Variants in KLRC1 observed in about 807,000 individuals in gnomAD.
The protein encoded by KLRC1 is NKG2-A/NKG2-B type II integral membrane protein.
Under a neutral mutation model 25.9 loss-of-function variants are expected in KLRC1, and 22 were observed. That is an observed-to-expected ratio of 0.85 (90% CI 0.61 to 1.21). The LOEUF is 1.21. Ranked by LOEUF, KLRC1 falls within the 50% of genes most tolerant of loss-of-function variation. The pLI is 0.00. For missense variants in KLRC1, 240 were observed against 272.2 expected (o/e 0.88, Z 0.83); for synonymous variants, 77 against 93.1 (o/e 0.83, Z 0.99).
downstream of KLRC1, among the ~76,000 whole-genome samples, chr12:10,445,347 C>G (rs1863963902): frequency 1.3e-5 from 2 of 151,220 alleles, no homozygotes; most frequent in Admixed American, 1.3e-4. Context: ...ATATATCATT[C>G]CAACTGCTAC....
chr12:10,448,422 G>A (rs564000591), intron 5 of KLRC1, among the ~76,000 whole-genome samples: 2 of 152,276 alleles, frequency 1.3e-5, no homozygotes, highest in South Asian at 2.1e-4. Context: ...AGGCAAGGCT[G>A]GTACCACTGG....
downstream of KLRC1, among the ~76,000 whole-genome samples, chr12:10,443,999 G>C (rs1261475177): frequency 7.5e-6 from 1 of 133,964 alleles, no homozygotes; most frequent in African/African-American, 3.1e-5. Context: ...CAACCTCAAT[G>C]GTTTTAAATT....
At position 10,450,087 on chromosome 12, in the gene KLRC1, G is replaced by A. The variant is rs1035804176; in HGVS notation, c.284-120C>T. On this transcript the variant is annotated intron_variant, in intron 3 of 6. Coordinates refer to ENST00000359151, the MANE Select transcript of KLRC1 (RefSeq NM_002259.5). ...AGTTAGAATAATATGGAATAAAATT[G>A]ATTTTAAGAAAAATTTGATAAAGTA... is the stretch of plus-strand genomic sequence containing the variant. The A allele has an allele frequency of 4.9e-6, 4 of 809,966 alleles. No homozygotes were observed. The African/African-American group carries it at 7.2e-5, about 15-fold the overall frequency. The allele number at this position is 809,966 out of a possible 1,614,324, so 50.2% of individuals were successfully genotyped here.
intron 4 of KLRC1, 138 bp from the exon 5 acceptor site, chr12:10,449,526 T>C: frequency 7.0e-7 from 1 of 1,428,410 alleles, no homozygotes; most frequent in East Asian, 2.3e-5. Flanking sequence ...ATATATAGTG[T>C]CAAAATACCC....
chr12:10,447,490 T>A, intron 6 of KLRC1, 42 bp downstream of exon 6: 2 of 1,393,772 alleles, frequency 1.4e-6, no homozygotes, highest in Non-Finnish European at 2.0e-6. Flanking sequence ...AATTTATCCT[T>A]TATATATATA....
chr12:10,446,449 C>A lies in KLRC1; in HGVS notation c.*102G>T, dbSNP rs1415695888. 2.1e-6 allele frequency: 3 copies of A among 1,437,252 alleles called. No homozygotes were observed. Among genetic ancestry groups the A allele is most frequent in the Non-Finnish European group, 2.8e-6 (3 of 1,084,766 alleles). The allele number at this position is 1,437,252 out of a possible 1,614,324, so 89.0% of individuals were successfully genotyped here. ...TTGATTTAGAATTTTCTTATTAGAGCAAATAACATAATTCATTTTAAGATT... is the reference window on the plus strand; with the variant it reads ...TTGATTTAGAATTTTCTTATTAGAGAAAATAACATAATTCATTTTAAGATT... On this transcript the variant is annotated 3_prime_UTR_variant, in exon 7 of 7. Transcript: ENST00000359151.
rs1057353278 is a variant in KLRC1 at position 10,450,424 on chromosome 12, A to T, written c.283+60T>A. On this transcript the variant is annotated intron_variant, in intron 3 of 6. Coordinates refer to ENST00000359151, the MANE Select transcript of KLRC1 (RefSeq NM_002259.5). ...TATTCCCTGAAAATATGAAATGTTT[A>T]GAGGCACATTCAATCATTAACGTGA... is the stretch of plus-strand genomic sequence containing the variant. The T allele has an allele frequency of 4.5e-6, 4 of 887,434 alleles. No homozygotes were observed. The Admixed American group carries it at 7.6e-5, about 17-fold the overall frequency. The allele number at this position is 887,434 out of a possible 1,614,324, so 55.0% of individuals were successfully genotyped here. A position where few individuals can be genotyped will look rare whatever the true frequency, so the allele number is the denominator to read the frequency against.
Position 10,446,196 on chromosome 12 carries a change from C to G in KLRC1, c.*355G>C. ...ATCACGACACAAAGTAACGTTCTAT[C>G]AGTTAGAGGTCATCTCCTATTTCAA... On this transcript the variant is annotated 3_prime_UTR_variant, in exon 7 of 7. Coordinates refer to ENST00000359151, the MANE Select transcript of KLRC1 (RefSeq NM_002259.5). 1 of 220,498 alleles carries G rather than the reference C, an allele frequency of 4.5e-6. No homozygotes were observed. Among genetic ancestry groups the G allele is most frequent in the Non-Finnish European group, 8.4e-6 (1 of 118,640 alleles). The allele number at this position is 220,498 out of a possible 1,614,324, so 13.7% of individuals were successfully genotyped here. A position where few individuals can be genotyped will look rare whatever the true frequency, so the allele number is the denominator to read the frequency against.
chr12:10,445,859 A>G (rs1863974107), downstream of KLRC1, among the ~76,000 whole-genome samples: 1 of 152,104 alleles, frequency 6.6e-6, no homozygotes, highest in African/African-American at 2.4e-5. Context: ...ACATTTCTGT[A>G]TGACTTCAAT....
At chr12:10,454,565 C>T, upstream of KLRC1, 1 of 979,920 alleles carries the variant, frequency 1.0e-6, no homozygotes, top group Non-Finnish European at 1.2e-6. Flanking sequence ...ATCAGTCCTT[C>T]ACCCACAGAG....
At chr12:10,452,519 C>T (rs976983723) in intron 1 of KLRC1, among the ~76,000 whole-genome samples, 13 of 152,036 alleles carry the variant, frequency 8.6e-5, no homozygotes, top group African/African-American at 2.7e-4. Context: ...AAACATTTAC[C>T]ACTCAACCTG....
At chr12:10,445,543 C>A (rs1465126312), downstream of KLRC1, among the ~76,000 whole-genome samples, 1 of 151,940 alleles carries the variant, frequency 6.6e-6, no homozygotes, top group African/African-American at 2.4e-5. Flanking sequence ...TTGATTGTAC[C>A]TTCTATTCAA....
At chr12:10,450,830 T>C (rs994923646) in intron 2 of KLRC1, 140 bp downstream of exon 2, 6 of 705,752 alleles carry the variant, frequency 8.5e-6, no homozygotes, top group South Asian at 1.9e-5. Context: ...ATACTTTACA[T>C]TGAAATAGCA....
chr12:10,444,262 A>T (rs1179319100), downstream of KLRC1, among the ~76,000 whole-genome samples: 3 of 143,598 alleles, frequency 2.1e-5, 1 homozygote, highest in Non-Finnish European at 1.5e-5. Flanking sequence ...ACAGTAAAAA[A>T]TCACGATAAA....
At chr12:10,449,191 A>G (rs758552623) in intron 5 of KLRC1, 46 bp downstream of exon 5, 15 of 1,610,608 alleles carry the variant, frequency 9.3e-6, no homozygotes, top group Non-Finnish European at 1.2e-5. Context: ...TATATTATCG[A>G]CCGAAAGAAG....
rs1259017444 is a variant in KLRC1, at chr12:10,450,074, A to G, written c.284-107T>C. On this transcript the variant is annotated intron_variant, in intron 3 of 6. Transcript: ENST00000359151. ...TTGTATTATTTAGAGTTAGAATAAT[A>G]TGGAATAAAATTGATTTTAAGAAAA... 9 of 869,114 alleles carry G rather than the reference A, an allele frequency of 1.0e-5. No homozygotes were observed. The East Asian group carries it at 1.4e-4, about 13-fold the overall frequency. 53.8% of individuals were successfully genotyped at this position (869,114 alleles called of 1,614,324 possible).
At chr12:10,442,526 AT>A (rs1324282916), downstream of KLRC1, among the ~76,000 whole-genome samples, 1 of 16,460 alleles carries the variant, frequency 6.1e-5, no homozygotes, top group African/African-American at 1.6e-4. Flanking sequence ...GAATGTATAT[AT>A]TCAGTAATAA....
upstream of KLRC1, chr12:10,454,604 C>G (rs941886038): frequency 1.7e-4 from 170 of 985,166 alleles, no homozygotes; most frequent in Non-Finnish European, 2.0e-4. Context: ...ACATCTGTAC[C>G]TCTGGGGCAT....
downstream of KLRC1, among the ~76,000 whole-genome samples, chr12:10,443,791 A>T (rs1200719406): frequency 1.4e-5 from 2 of 140,590 alleles, no homozygotes; most frequent in African/African-American, 5.5e-5. Flanking sequence ...TAGTACCACT[A>T]GCCAAGCTTG....
Sources: allele counts gnomAD v4.1 joint callset (sites outside exome capture counted in the v4.1 genomes callset), GRCh38; gene constraint gnomAD v4.1.1; transcripts MANE v1.5; gene names NCBI Gene and HGNC (gene_info 2026-07-23, HGNC 2026-07-21).